The following KIFC3 variants were observed in gnomAD, a reference collection of about 807,000 sequenced individuals.
KIFC3 encodes kinesin family member C3.
A neutral mutation model predicts 101.8 loss-of-function variants in KIFC3; 60 were observed. That is an observed-to-expected ratio of 0.59 (90% confidence interval 0.48 to 0.73). The LOEUF is 0.73. Ranked by LOEUF, KIFC3 falls within the 30% of genes least tolerant of loss-of-function variation. The probability of loss-of-function intolerance (pLI) is 0.00; values close to 1 mark genes in which losing one functional copy is unlikely to be tolerated. For missense variants in KIFC3, 966 were observed against 1,137.1 expected (o/e 0.85, Z 2.16); for synonymous variants, 476 against 482.7 (o/e 0.99, Z 0.18).
At chr16:57,827,130 A>G (rs556277658) in intron 1 of KIFC3, among the ~76,000 whole-genome samples, 13 of 152,372 alleles carry the variant, frequency 8.5e-5, no homozygotes, top group African/African-American at 2.6e-4. Flanking sequence ...GTCATCTCTC[A>G]TTCAGGGTCC....
intron 1 of KIFC3, among the ~76,000 whole-genome samples, chr16:57,823,991 A>C (rs1372080554): frequency 4.6e-5 from 7 of 152,200 alleles, no homozygotes; most frequent in Non-Finnish European, 1.0e-4. Flanking sequence ...ATTATGAAAG[A>C]AAAAAGAAAG....
At chr16:57,788,731 GA>G (rs782093383) in intron 3 of KIFC3, 3 of 1,289,240 alleles carry the variant, frequency 2.3e-6, no homozygotes, top group Non-Finnish European at 3.0e-6. Context: ...GACACAACCA[GA>G]ATCCTCACGT....
At chr16:57,839,259 C>T (rs1298708811) in intron 1 of KIFC3, among the ~76,000 whole-genome samples, 1 of 152,022 alleles carries the variant, frequency 6.6e-6, no homozygotes, top group Non-Finnish European at 1.5e-5. Context: ...TAAAGATTAG[C>T]TGGGCACAGT....
upstream of KIFC3, chr16:57,803,046 C>T (rs1042769624): frequency 9.7e-5 from 149 of 1,535,672 alleles, no homozygotes; most frequent in Non-Finnish European, 1.3e-4. Context: ...CACGCTCTCA[C>T]TCGCTCCACC....
intron 3 of KIFC3, chr16:57,774,689 ATTT>A (rs34004359): frequency 1.9e-3 from 574 of 297,708 alleles, no homozygotes; most frequent in Middle Eastern, 4.3e-3. Context: ...CGCCCGGCTA[ATTT>A]TTTTTTTTTT....
At chr16:57,831,752 C>T (rs782222323) in intron 1 of KIFC3, among the ~76,000 whole-genome samples, 2 of 152,184 alleles carry the variant, frequency 1.3e-5, no homozygotes, top group African/African-American at 2.4e-5. Flanking sequence ...ACAAGCTCTC[C>T]GTGGATACAG....
chr16:57,787,292 G>A (rs2051507329), intron 3 of KIFC3, among the ~76,000 whole-genome samples: 1 of 152,210 alleles, frequency 6.6e-6, no homozygotes, highest in African/African-American at 2.4e-5. Context: ...GGGACAAGGA[G>A]CCTTGCCCGA....
chr16:57,795,034 G>A lies in KIFC3; in HGVS notation c.280C>T (p.Pro94Ser). The change falls in exon 3 of 20, where the codon CCC (proline) becomes TCC (serine). Residue 94 changes from proline to serine, a missense_variant. By Grantham distance (74) the Pro-to-Ser change is moderately conservative. This residue lies in a region of KIFC3 where 277 missense variants were observed against 252.5 expected (regional missense o/e 1.10). Coordinates refer to ENST00000445690, the MANE Select transcript of KIFC3 (RefSeq NM_001130100.2). ...AGGTAGAGCCCGTGGGGGCTTCCGG[G>A]GCCAGCCCAGTCCACGCTAAGGGCT... is the stretch of plus-strand genomic sequence containing the variant. Reference protein sequence around the residue: ...CRALSVDWAGPGSPHGLYLTL... With the variant: ...CRALSVDWAGSGSPHGLYLTL... The A allele has an allele frequency of 1.3e-6, 2 of 1,598,434 alleles. No homozygotes were observed. Among genetic ancestry groups the A allele is most frequent in the South Asian group, 1.1e-5 (1 of 89,438 alleles).
chr16:57,862,705 G>A, intron 1 of KIFC3: 3 of 1,130,570 alleles, frequency 2.7e-6, no homozygotes, highest in Non-Finnish European at 3.5e-6. Flanking sequence ...CATTCCCACT[G>A]CCCCAACCCA....
intron 1 of KIFC3, among the ~76,000 whole-genome samples, chr16:57,808,585 C>T (rs1461187828): frequency 1.1e-4 from 16 of 151,798 alleles, no homozygotes; most frequent in Admixed American, 5.9e-4. Context: ...TAATAGAAAC[C>T]AAGAGAGAGA....
intron 1 of KIFC3, among the ~76,000 whole-genome samples, chr16:57,852,300 A>G (rs1424827695): frequency 6.6e-6 from 1 of 151,984 alleles, no homozygotes; most frequent in Non-Finnish European, 1.5e-5. Flanking sequence ...GAGGGTCCTC[A>G]TTGTCAGTTT....
intron 3 of KIFC3, among the ~76,000 whole-genome samples, chr16:57,789,964 T>C (rs1366642438): frequency 6.6e-6 from 1 of 152,052 alleles, no homozygotes; most frequent in East Asian, 1.9e-4. Context: ...CTCGAACTCC[T>C]GACTTCAAGT....
At chr16:57,786,548 G>T (rs1236096153) in intron 3 of KIFC3, among the ~76,000 whole-genome samples, 2 of 152,058 alleles carry the variant, frequency 1.3e-5, no homozygotes, top group East Asian at 3.9e-4. Flanking sequence ...GGGATGGGGG[G>T]TTTGCCTCCT....
rs1555601975 is a variant in KIFC3 at position 57,765,513 on chromosome 16, C to T, written c.1458G>A (p.Lys486=). The T allele has an allele frequency of 6.3e-7, 1 of 1,592,012 alleles. No individual in the cohort carries two copies. The highest frequency in any genetic ancestry group is 1.1e-5 in the South Asian group (1 of 87,692). Residue 486 remains lysine (K), a synonymous_variant, in exon 11 of 20, where the codon AAG becomes AAA. Transcript: ENST00000445690. ...DSIIHLLHKG[K]PVSFELDKVF... is the part of the protein sequence containing the mutation. ...CCTTGTCCAGCTCGAAGGACACAGG[C>T]TTGCCCTTGTGCAGCAGGTGGATGA...
chr16:57,794,699 G>A (rs1380163038), intron 3 of KIFC3, among the ~76,000 whole-genome samples: 2 of 152,136 alleles, frequency 1.3e-5, no homozygotes, highest in African/African-American at 4.8e-5. Context: ...CCCCAAACCT[G>A]CCTGTTTTCC....
chr16:57,819,235 C>T (rs1242175481), intron 1 of KIFC3, among the ~76,000 whole-genome samples: 1 of 152,134 alleles, frequency 6.6e-6, no homozygotes, highest in East Asian at 1.9e-4. Context: ...TTTGGGAGGC[C>T]GAGACAGGAG....
chr16:57,803,446 G>A (rs940385154), upstream of KIFC3: 1 of 478,346 alleles, frequency 2.1e-6, no homozygotes, highest in Non-Finnish European at 4.1e-6. Flanking sequence ...GCAGGCTGAC[G>A]GTTCTGCAGA....
Position 57,765,761 on chromosome 16 carries a change from C to A in KIFC3, c.1331-121G>T. On this transcript the variant is annotated intron_variant, in intron 10 of 19. Transcript: ENST00000445690. The stretch of plus-strand genomic sequence containing the variant: ...GAGTCCCCTGACTTTTAAGCACAGC[C>A]CCCTAGGGGAAGGGGGCCCACAAAG... The A allele has an allele frequency of 4.6e-6, 4 of 869,832 alleles. No individual in the cohort carries two copies. The South Asian group carries it at 7.2e-5, about 16-fold the overall frequency. 53.9% of individuals were successfully genotyped at this position (869,832 alleles called of 1,614,324 possible). A position where few individuals can be genotyped will look rare whatever the true frequency, so the allele number is the denominator to read the frequency against.
intron 3 of KIFC3, among the ~76,000 whole-genome samples, chr16:57,783,575 C>A (rs909084141): frequency 6.6e-6 from 1 of 150,566 alleles, no homozygotes; most frequent in South Asian, 2.1e-4. Flanking sequence ...CGGGTTCAAG[C>A]AATTCTCCTG....
Sources: gnomAD v4.1 joint callset for allele counts (sites outside exome capture counted in the v4.1 genomes callset) on GRCh38, gnomAD v4.1.1 for gene constraint, gnomAD v4.1.1 regional missense constraint, MANE v1.5 for transcripts, NCBI Gene and HGNC (gene_info 2026-07-23, HGNC 2026-07-21) for gene names.